The following COL5A2 variants were observed in gnomAD, a reference collection of about 807,000 sequenced individuals.
COL5A2 encodes the protein collagen alpha-2(V) chain.
In COL5A2, 23 loss-of-function variants were observed where a neutral mutation model predicts 208.2. The observed-to-expected ratio is 0.11, with a 90% confidence interval of 0.08 to 0.16. The LOEUF is 0.16. COL5A2 is among the 10% of genes least tolerant of loss of function. The pLI, the probability that COL5A2 is intolerant of heterozygous loss-of-function variation, is 1.00. For synonymous variants in COL5A2, 625 were observed against 628.5 expected (o/e 0.99, Z 0.08); for missense variants, 1,590 against 1,956.4 (o/e 0.81, Z 3.53).
At chr2:189,190,574 A>G (rs1179315065) in intron 1 of COL5A2, among the ~76,000 whole-genome samples, 7 of 152,264 alleles carry the variant, frequency 4.6e-5, no homozygotes, top group African/African-American at 1.7e-4. Flanking sequence ...AGTTGACTCC[A>G]GAAACCACAA....
chr2:189,346,635 T>A, the COL5A2 span, among the ~76,000 whole-genome samples: 232 of 152,210 alleles, frequency 1.5e-3, 1 homozygote, highest in East Asian at 0.019. Context: ...ATTAGACAAG[T>A]TTAGAAAACA....
the COL5A2 span, among the ~76,000 whole-genome samples, chr2:189,406,722 A>C: frequency 2.2e-4 from 34 of 152,196 alleles, no homozygotes; most frequent in African/African-American, 8.0e-4. Flanking sequence ...GATGTTATTC[A>C]AATACAAAAT....
the COL5A2 span, among the ~76,000 whole-genome samples, chr2:189,249,846 G>A: frequency 3.9e-5 from 6 of 152,024 alleles, no homozygotes; most frequent in Non-Finnish European, 5.9e-5. Flanking sequence ...ATAGGTGCCC[G>A]CCACCACACC....
intron 1 of COL5A2, among the ~76,000 whole-genome samples, chr2:189,155,234 A>T (rs999736534): frequency 1.3e-5 from 2 of 152,068 alleles, no homozygotes; most frequent in Non-Finnish European, 2.9e-5. Flanking sequence ...GCTATCCTTC[A>T]ACTTTGGCCT....
Position 189,057,329 on chromosome 2 carries a change from C to A in COL5A2, c.2328G>T (p.Lys776Asn). The A allele has an allele frequency of 6.3e-7, 1 of 1,598,050 alleles. No homozygotes were observed. The highest frequency in any genetic ancestry group is 1.1e-5 in the South Asian group (1 of 90,766). The part of the protein sequence containing the change: ...ERGIAGTPGP[K>N]GDRGGIGEKG... ...AAAAAAAAGGACTTACTCTGTCACC[C>A]TTGGGGCCAGGAGTTCCTGCAATTC... Residue 776 changes from lysine (K) to asparagine (N), a missense_variant, in exon 34 of 54, where the codon AAG becomes AAT. Transcript: ENST00000374866.
the COL5A2 span, among the ~76,000 whole-genome samples, chr2:189,388,147 T>A: frequency 6.6e-6 from 1 of 152,176 alleles, no homozygotes. Flanking sequence ...TGTGCCAACT[T>A]CTGTTCTAGG....
chr2:189,402,644 A>C, the COL5A2 span, among the ~76,000 whole-genome samples: 98 of 152,332 alleles, frequency 6.4e-4, no homozygotes, highest in East Asian at 1.2e-3. Context: ...CCATTTATTA[A>C]ATAGGGAATC....
At chr2:189,393,818 T>A in the COL5A2 span, among the ~76,000 whole-genome samples, 1 of 152,186 alleles carries the variant, frequency 6.6e-6, no homozygotes, top group Non-Finnish European at 1.5e-5. Flanking sequence ...CCCTCAATAT[T>A]TCCTAGTTAC....
Position 189,051,459 on chromosome 2 carries a change from G to A in COL5A2, c.2792C>T (p.Pro931Leu), listed in dbSNP as rs1456303136. The A allele has an allele frequency of 1.2e-6, 2 of 1,609,220 alleles. No individual in the cohort carries two copies. Among genetic ancestry groups the A allele is most frequent in the Non-Finnish European group, 1.7e-6 (2 of 1,178,024 alleles). ...GPAGAPGPAG[P>L]LGEPGKEGPP... ...TCCCTCCTTCCCGGGTTCCCCTAGG[G>A]GTCCCGCAGGTCCTGGAGCTCCCTA... is the stretch of plus-strand genomic sequence containing the variant. Residue 931 changes from proline (P) to leucine (L), a missense_variant, in exon 42 of 54, where the codon CCC (proline) becomes CTC (leucine). By Grantham distance (98) the Pro-to-Leu change is moderately conservative. Transcript: ENST00000374866.
intron 1 of COL5A2, among the ~76,000 whole-genome samples, chr2:189,154,442 A>C (rs1187311066): frequency 6.6e-6 from 1 of 152,192 alleles, no homozygotes; most frequent in African/African-American, 2.4e-5. Context: ...ATGTGGGTTG[A>C]TACCAGAGTG....
chr2:189,289,279 T>G, the COL5A2 span, among the ~76,000 whole-genome samples: 1 of 151,880 alleles, frequency 6.6e-6, no homozygotes, highest in Non-Finnish European at 1.5e-5. Context: ...AGGCGGAGGT[T>G]GCAGTGAGCA....
At chr2:189,187,575 C>G (rs1688868398) in intron 1 of COL5A2, among the ~76,000 whole-genome samples, 1 of 152,020 alleles carries the variant, frequency 6.6e-6, no homozygotes, top group African/African-American at 2.4e-5. Context: ...ACTCTTGGAA[C>G]GATTTCTGGC....
intron 7 of COL5A2, among the ~76,000 whole-genome samples, chr2:189,090,390 TAATATAAA>T (rs1686758719): frequency 2.0e-5 from 3 of 152,324 alleles, no homozygotes; most frequent in African/African-American, 7.2e-5. Flanking sequence ...GCCATCTCCA[TAATATAAA>T]AATGCAAAGT....
chr2:189,092,245 C>T (rs1370868892), intron 7 of COL5A2, 65 bp downstream of exon 7: 10 of 1,051,218 alleles, frequency 9.5e-6, no homozygotes, highest in African/African-American at 1.6e-5. Flanking sequence ...ATTTAAAATC[C>T]TAACAATATA....
the COL5A2 span, among the ~76,000 whole-genome samples, chr2:189,360,422 G>A: frequency 6.6e-6 from 1 of 151,960 alleles, no homozygotes; most frequent in Non-Finnish European, 1.5e-5. Context: ...ATAGGTTTTG[G>A]TATGTTGTGT....
the COL5A2 span, among the ~76,000 whole-genome samples, chr2:189,355,008 T>A: frequency 6.6e-6 from 1 of 152,212 alleles, no homozygotes; most frequent in Non-Finnish European, 1.5e-5. Context: ...TCAAAGAACA[T>A]CTCTATTTCT....
At chr2:189,253,533 C>T in the COL5A2 span, among the ~76,000 whole-genome samples, 4 of 152,188 alleles carry the variant, frequency 2.6e-5, no homozygotes, top group African/African-American at 9.7e-5. Flanking sequence ...CTTTGTGTGT[C>T]TTCGAATTTG....
At chr2:189,087,860 T>C (rs777889112) in intron 8 of COL5A2, among the ~76,000 whole-genome samples, 1 of 151,630 alleles carries the variant, frequency 6.6e-6, no homozygotes, top group Non-Finnish European at 1.5e-5. Context: ...ACCACACATA[T>C]GTAATTTAAA....
the COL5A2 span, among the ~76,000 whole-genome samples, chr2:189,300,283 G>A: frequency 2.0e-5 from 3 of 152,124 alleles, no homozygotes; most frequent in Non-Finnish European, 2.9e-5. Flanking sequence ...CTCTGTGACT[G>A]TATTTTTTAA....
Sources: gnomAD v4.1 joint callset for allele counts (sites outside exome capture counted in the v4.1 genomes callset) on GRCh38, gnomAD v4.1.1 for gene constraint, MANE v1.5 for transcripts, NCBI Gene and HGNC (gene_info 2026-07-23, HGNC 2026-07-21) for gene names.